Variants in GPHN observed in about 807,000 individuals in gnomAD.
The protein encoded by GPHN is gephyrin.
Under a neutral mutation model 95.5 loss-of-function variants are expected in GPHN, and 17 were observed. That is an observed-to-expected ratio of 0.18 (90% CI 0.12 to 0.27). The LOEUF is 0.27. GPHN is among the 10% of genes least tolerant of loss of function. The pLI, the probability that GPHN is intolerant of heterozygous loss-of-function variation, is 1.00. For missense variants in GPHN, 660 were observed against 978.1 expected (o/e 0.67, Z 4.34); for synonymous variants, 320 against 322.5 (o/e 0.99, Z 0.08).
the GPHN span, among the ~76,000 whole-genome samples, chr14:67,513,671 A>G: frequency 6.6e-6 from 1 of 152,216 alleles, no homozygotes; most frequent in African/African-American, 2.4e-5. Flanking sequence ...ACCTACTTGT[A>G]TCCTTGTATC....
At chr14:66,832,484 A>T (rs531432180) in intron 4 of GPHN, among the ~76,000 whole-genome samples, 1 of 152,308 alleles carries the variant, frequency 6.6e-6, no homozygotes, top group South Asian at 2.1e-4. Context: ...AAAAATAAGG[A>T]CTTGTCTTGA....
chr14:67,350,033 G>T, the GPHN span, among the ~76,000 whole-genome samples: 4 of 152,224 alleles, frequency 2.6e-5, no homozygotes, highest in Non-Finnish European at 5.9e-5. Flanking sequence ...AACAATGCTT[G>T]CCTTACCTAT....
the GPHN span, chr14:67,615,823 AAG>A: frequency 1.0e-5 from 6 of 601,552 alleles, no homozygotes; most frequent in African/African-American, 1.9e-5. Flanking sequence ...CAAAAGTCAA[AAG>A]AGAACATTCT....
At chr14:66,732,153 C>T (rs1248836447) in intron 2 of GPHN, among the ~76,000 whole-genome samples, 1 of 152,130 alleles carries the variant, frequency 6.6e-6, no homozygotes, top group Non-Finnish European at 1.5e-5. Context: ...GGCTTTGGAG[C>T]CCCCACACAG....
chr14:66,658,739 A>T (rs1595437415), intron 1 of GPHN, among the ~76,000 whole-genome samples: 1 of 152,320 alleles, frequency 6.6e-6, no homozygotes, highest in East Asian at 1.9e-4. Context: ...TTATATATGC[A>T]CTGGAAAACC....
intron 5 of GPHN, among the ~76,000 whole-genome samples, chr14:66,906,527 C>T (rs968029578): frequency 6.6e-6 from 1 of 152,176 alleles, no homozygotes; most frequent in African/African-American, 2.4e-5. Flanking sequence ...GATATTCTTA[C>T]TGTCTGTTCA....
chr14:66,567,300 G>A (rs1373357696), intron 1 of GPHN, among the ~76,000 whole-genome samples: 5 of 152,138 alleles, frequency 3.3e-5, no homozygotes, highest in African/African-American at 7.2e-5. Context: ...GGATGGTGGC[G>A]TAGTTTTGGC....
intron 4 of GPHN, among the ~76,000 whole-genome samples, chr14:66,837,136 C>T (rs1183477298): frequency 5.9e-4 from 85 of 143,528 alleles, no homozygotes; most frequent in South Asian, 1.7e-3. Context: ...TATAAAGACA[C>T]ATGCACACGT....
chr14:67,208,182 G>A, the GPHN span: 2 of 1,612,176 alleles, frequency 1.2e-6, no homozygotes. Context: ...CTGATTTGCT[G>A]CTGCTTTTTA....
chr14:67,391,287 G>GTA, the GPHN span, among the ~76,000 whole-genome samples: 1 of 151,174 alleles, frequency 6.6e-6, no homozygotes, highest in Admixed American at 6.6e-5. Flanking sequence ...GTGTGTGTGT[G>GTA]TGTGTGTGTG....
chr14:67,320,326 A>G, the GPHN span: 4 of 1,613,738 alleles, frequency 2.5e-6, no homozygotes, highest in Non-Finnish European at 3.4e-6. Context: ...GGTCCACAGA[A>G]CTGTGGCCAG....
At chr14:66,981,043 C>A (rs2070633225) in intron 9 of GPHN, among the ~76,000 whole-genome samples, 1 of 152,160 alleles carries the variant, frequency 6.6e-6, no homozygotes, top group South Asian at 2.1e-4. Context: ...GAGTGAAACT[C>A]CGTCTCAAAA....
chr14:67,122,408 G>C, intron 17 of GPHN, 31 bp downstream of exon 17: 2 of 1,602,164 alleles, frequency 1.2e-6, no homozygotes, highest in Non-Finnish European at 1.7e-6. Flanking sequence ...TGAAAAGTTT[G>C]TATTGTACAA....
intron 1 of GPHN, among the ~76,000 whole-genome samples, chr14:66,600,230 C>A (rs1278184970): frequency 6.6e-6 from 1 of 152,006 alleles, no homozygotes; most frequent in Non-Finnish European, 1.5e-5. Context: ...TGGAAATTTT[C>A]TTCCTTTTTA....
chr14:66,883,242 C>A (rs2064018127), intron 5 of GPHN, among the ~76,000 whole-genome samples: 1 of 151,768 alleles, frequency 6.6e-6, no homozygotes, highest in African/African-American at 2.4e-5. Context: ...TAGGTTATTT[C>A]TATGATCTAT....
the GPHN span, chr14:67,576,005 G>A: frequency 2.5e-6 from 4 of 1,607,038 alleles, no homozygotes; most frequent in Non-Finnish European, 3.4e-6. This position sits in a 1 kb window ranked among gnomAD's most constrained non-coding sequence, Gnocchi z 4.0. Context: ...AGCATGAAAA[G>A]GTAAGGAAGA....
chr14:67,115,829 A>G (rs910922740), intron 16 of GPHN, among the ~76,000 whole-genome samples: 1 of 152,198 alleles, frequency 6.6e-6, no homozygotes, highest in Non-Finnish European at 1.5e-5. Context: ...TTGGCAACCC[A>G]AAGAGTGCCG....
chr14:66,652,756 G>A (rs540339545), intron 1 of GPHN, among the ~76,000 whole-genome samples: 24 of 152,096 alleles, frequency 1.6e-4, no homozygotes, highest in Non-Finnish European at 2.8e-4. Context: ...TGAGCGGTTG[G>A]CAGAGAGAGA....
chr14:66,787,678 A>G (rs541351553), intron 3 of GPHN, among the ~76,000 whole-genome samples: 2 of 152,216 alleles, frequency 1.3e-5, no homozygotes, highest in South Asian at 2.1e-4. Flanking sequence ...GGCTTATACA[A>G]ATATATTCAA....
Sources: gnomAD v4.1 joint callset for allele counts (sites outside exome capture counted in the v4.1 genomes callset) on GRCh38, gnomAD v4.1.1 for gene constraint, Gnocchi (gnomAD v3.1) non-coding constraint, MANE v1.5 for transcripts, NCBI Gene and HGNC (gene_info 2026-07-23, HGNC 2026-07-21) for gene names.